Variants in MECOM observed in about 807,000 individuals in gnomAD.
The protein encoded by MECOM is histone-lysine N-methyltransferase MECOM.
A neutral mutation model predicts 116.3 loss-of-function variants in MECOM; 13 were observed. That is an observed-to-expected ratio of 0.11 (90% confidence interval 0.07 to 0.18). The LOEUF is 0.18. Among genes scored for constraint, MECOM ranks in the 10% least tolerant of loss-of-function variants. The probability of loss-of-function intolerance (pLI) is 1.00; values close to 1 mark genes in which losing one functional copy is unlikely to be tolerated. For synonymous variants in MECOM, 528 were observed against 535.2 expected (o/e 0.99, Z 0.19); for missense variants, 1,299 against 1,509.0 (o/e 0.86, Z 2.31).
chr3:169,470,377 T>C (rs1249773147), intron 1 of MECOM, among the ~76,000 whole-genome samples: 1 of 152,210 alleles, frequency 6.6e-6, no homozygotes, highest in Non-Finnish European at 1.5e-5. Flanking sequence ...TTTAGTCTAA[T>C]GGAAGAGAGA....
chr3:169,365,646 A>C (rs1396804804), intron 2 of MECOM, among the ~76,000 whole-genome samples: 1 of 151,998 alleles, frequency 6.6e-6, no homozygotes, highest in East Asian at 1.9e-4. Context: ...TTTCTATTTA[A>C]TATCCATACT....
intron 2 of MECOM, among the ~76,000 whole-genome samples, chr3:169,269,542 T>C (rs752457032): frequency 6.6e-6 from 1 of 152,208 alleles, no homozygotes; most frequent in Non-Finnish European, 1.5e-5. Flanking sequence ...AAGTATCACT[T>C]TATTTTGTAG....
At chr3:169,403,584 G>A (rs1164180046) in intron 1 of MECOM, among the ~76,000 whole-genome samples, 1 of 152,194 alleles carries the variant, frequency 6.6e-6, no homozygotes, top group African/African-American at 2.4e-5. Context: ...ATAAAAGGAA[G>A]AATGAACTGC....
rs1577208963 is a variant in MECOM, at chr3:169,158,408, A to T, written c.376-14576T>A. On this transcript the variant is annotated intron_variant, in intron 2 of 16. Coordinates refer to ENST00000651503, the MANE Select transcript of MECOM (RefSeq NM_004991.4). Reference sequence around the variant, plus strand: ...CAGAGGGAAACGGAAGGCAGGGAGTATGGATGAGAGAGAAAGAGGGAGGGA... The same window carrying T: ...CAGAGGGAAACGGAAGGCAGGGAGTTTGGATGAGAGAGAAAGAGGGAGGGA... Among the ~76,000 whole-genome samples, 3 of 152,310 alleles carry T rather than the reference A, an allele frequency of 2.0e-5. No individual in the cohort carries two copies. The East Asian group carries it at 5.8e-4, about 29-fold the overall frequency.
intron 1 of MECOM, among the ~76,000 whole-genome samples, chr3:169,486,572 A>T (rs1322167898): frequency 2.0e-5 from 3 of 152,222 alleles, no homozygotes; most frequent in Non-Finnish European, 4.4e-5. Context: ...ATGCACAAAG[A>T]TCTATTGAAA....
chr3:169,200,121 A>G (rs565080540), intron 2 of MECOM, among the ~76,000 whole-genome samples: 4 of 152,100 alleles, frequency 2.6e-5, no homozygotes, highest in Non-Finnish European at 5.9e-5. Flanking sequence ...GGTCAAAGAC[A>G]GCATTAATTA....
At chr3:169,621,311 T>C (rs1460104288) in intron 1 of MECOM, among the ~76,000 whole-genome samples, 1 of 152,200 alleles carries the variant, frequency 6.6e-6, no homozygotes, top group Admixed American at 6.5e-5. Context: ...CATTGAGTTG[T>C]TGTGAGGACC....
At chr3:169,412,841 G>C (rs1257511663) in intron 1 of MECOM, among the ~76,000 whole-genome samples, 1 of 152,056 alleles carries the variant, frequency 6.6e-6, no homozygotes, top group Non-Finnish European at 1.5e-5. Context: ...CTCTCAGTTT[G>C]GGTTACAGCT....
At chr3:169,597,806 T>C (rs1767315893) in intron 1 of MECOM, among the ~76,000 whole-genome samples, 1 of 152,114 alleles carries the variant, frequency 6.6e-6, no homozygotes, top group Non-Finnish European at 1.5e-5. Flanking sequence ...TATCCTGAGG[T>C]TCCTGTCCCA....
intron 1 of MECOM, among the ~76,000 whole-genome samples, chr3:169,576,460 A>G (rs1471450810): frequency 6.6e-6 from 1 of 152,176 alleles, no homozygotes; most frequent in Admixed American, 6.5e-5. Context: ...TGGCACATCA[A>G]AAAAGGTATT....
At chr3:169,477,601 G>A (rs953710957) in intron 1 of MECOM, among the ~76,000 whole-genome samples, 1 of 152,328 alleles carries the variant, frequency 6.6e-6, no homozygotes. Context: ...TCCTGGAGCT[G>A]CAGTCAGCTG....
At chr3:169,113,397 A>G (rs1219306211) in intron 8 of MECOM, among the ~76,000 whole-genome samples, 3 of 150,738 alleles carry the variant, frequency 2.0e-5, no homozygotes, top group Non-Finnish European at 4.4e-5. Flanking sequence ...TTATATTTAA[A>G]CATATAGCAT....
At chr3:169,194,424 C>T (rs1748137006) in intron 2 of MECOM, among the ~76,000 whole-genome samples, 1 of 151,908 alleles carries the variant, frequency 6.6e-6, no homozygotes, top group African/African-American at 2.4e-5. Flanking sequence ...TGTAACAAAC[C>T]TGCACGTTGT....
chr3:169,555,953 T>A (rs543841010), intron 1 of MECOM, among the ~76,000 whole-genome samples: 13 of 152,354 alleles, frequency 8.5e-5, no homozygotes, highest in African/African-American at 2.9e-4. Context: ...GTCATGAACA[T>A]CAGTGGTCTA....
At chr3:169,606,383 C>A (rs1768547648) in intron 1 of MECOM, among the ~76,000 whole-genome samples, 1 of 150,690 alleles carries the variant, frequency 6.6e-6, no homozygotes, top group South Asian at 2.1e-4. Context: ...TGCACTTCAG[C>A]CTGTGACAGG....
At chr3:169,552,438 A>G (rs1219264020) in intron 1 of MECOM, among the ~76,000 whole-genome samples, 1 of 152,180 alleles carries the variant, frequency 6.6e-6, no homozygotes, top group Non-Finnish European at 1.5e-5. Context: ...CATTTATTGA[A>G]TACTTACTAT....
intron 1 of MECOM, among the ~76,000 whole-genome samples, chr3:169,533,088 G>A (rs1017103000): frequency 6.6e-6 from 1 of 152,060 alleles, no homozygotes; most frequent in African/African-American, 2.4e-5. Context: ...TGCTGCAGCC[G>A]ATGCCACTGA....
At chr3:169,100,097 CTTTCTTTT>C (rs1337255813) in intron 12 of MECOM, among the ~76,000 whole-genome samples, 5 of 92,436 alleles carry the variant, frequency 5.4e-5, no homozygotes, top group Admixed American at 1.6e-4. Flanking sequence ...TTCTTTCTTT[CTTTCTTTT>C]TTTTTTTTTT....
chr3:169,548,428 A>G (rs2109284116), intron 1 of MECOM, among the ~76,000 whole-genome samples: 1 of 152,320 alleles, frequency 6.6e-6, no homozygotes, highest in Non-Finnish European at 1.5e-5. Context: ...GGTTGGCCCT[A>G]TATGATTCAT....
Sources: allele counts gnomAD v4.1 joint callset (sites outside exome capture counted in the v4.1 genomes callset), GRCh38; gene constraint gnomAD v4.1.1; transcripts MANE v1.5; gene names NCBI Gene and HGNC (gene_info 2026-07-23, HGNC 2026-07-21).